The following GPC3 variants were observed in gnomAD, a reference collection of about 807,000 sequenced individuals.
GPC3 encodes the protein glypican 3.
In GPC3, 3 loss-of-function variants were observed where a neutral mutation model predicts 34.4. The observed-to-expected ratio is 0.09, with a 90% CI of 0.04 to 0.23. The LOEUF is 0.23. Among genes scored for constraint, GPC3 ranks in the 10% least tolerant of loss-of-function variants. The pLI is 1.00. For missense variants in GPC3, 351 were observed against 445.6 expected, an observed-to-expected ratio of 0.79 and a Z score of 1.91; for synonymous variants, 177 against 174.0, an observed-to-expected ratio of 1.02 and a Z score of -0.13.
chrX:133,982,121 T>C (rs1178601426), intron 1 of GPC3, among the ~76,000 whole-genome samples: 4 of 112,682 alleles, frequency 3.5e-5, no homozygotes, highest in African/African-American at 1.3e-4. Context: ...GAAACATCAT[T>C]GTCTGATTAC....
At chrX:133,622,408 T>C (rs963708698) in intron 6 of GPC3, among the ~76,000 whole-genome samples, 14 of 111,606 alleles carry the variant, frequency 1.3e-4, no homozygotes, top group Non-Finnish European at 5.6e-5. Flanking sequence ...GCTGAAAACC[T>C]TGAAAAAAGA....
chrX:133,620,812 C>T (rs1033640595), intron 6 of GPC3, among the ~76,000 whole-genome samples: 1 of 112,027 alleles, frequency 8.9e-6, no homozygotes, highest in African/African-American at 3.2e-5. Flanking sequence ...ATTATAAGTG[C>T]TTCAACCAAT....
intron 1 of GPC3, among the ~76,000 whole-genome samples, chrX:133,976,430 A>C: frequency 8.9e-6 from 1 of 112,062 alleles, no homozygotes; most frequent in Middle Eastern, 4.6e-3. Context: ...AGTAACAATT[A>C]ACTTTCAAAC....
chrX:133,765,243 C>T (rs2071834470), intron 2 of GPC3, among the ~76,000 whole-genome samples: 1 of 112,319 alleles, frequency 8.9e-6, no homozygotes, highest in South Asian at 3.7e-4. Context: ...AAAAAAATCA[C>T]TAACATATAT....
chrX:133,963,234 C>G (rs1266412335), intron 1 of GPC3, among the ~76,000 whole-genome samples: 4 of 111,920 alleles, frequency 3.6e-5, no homozygotes. Flanking sequence ...CCCTGTATCT[C>G]CAGAAGCCAA....
In GPC3 at chrX:133,621,422, C is replaced by T. The variant is rs143952234; in HGVS notation, c.1414-24823G>A. Among the ~76,000 whole-genome samples, 541 of 111,885 alleles carry T rather than the reference C, an allele frequency of 4.8e-3. 1 individual carries two copies. The highest frequency in any genetic ancestry group is 7.6e-3 in the Non-Finnish European group (404 of 53,154). The stretch of plus-strand genomic sequence containing the variant: ...CCTAGCCAAAGGAAGCTGTGACAGA[C>T]GGTATCTGGAAAATCGGGACACTCC... On this transcript the variant is annotated intron_variant, in intron 6 of 7. Coordinates refer to ENST00000370818, the MANE Select transcript of GPC3 (RefSeq NM_004484.4).
chrX:133,837,523 AATT>A (rs2075805270), intron 2 of GPC3, among the ~76,000 whole-genome samples: 1 of 111,923 alleles, frequency 8.9e-6, no homozygotes, highest in East Asian at 2.8e-4. Context: ...TGTTTTTGAC[AATT>A]ATTATTAAGT....
At chrX:133,779,960 G>A (rs1383146827) in intron 2 of GPC3, among the ~76,000 whole-genome samples, 4 of 111,453 alleles carry the variant, frequency 3.6e-5, no homozygotes, top group Admixed American at 1.9e-4. Context: ...TGTGGCGTTA[G>A]ATCACAAAAC....
At chrX:133,947,702 A>G (rs891022836) in intron 2 of GPC3, among the ~76,000 whole-genome samples, 1 of 112,163 alleles carries the variant, frequency 8.9e-6, no homozygotes, top group African/African-American at 3.2e-5. Context: ...TCCACTAATT[A>G]ATGCCAGCAT....
chrX:133,669,072 C>T (rs1271747731), intron 5 of GPC3, among the ~76,000 whole-genome samples: 1 of 111,433 alleles, frequency 9.0e-6, no homozygotes, highest in Non-Finnish European at 1.9e-5. Context: ...AGGGTTTCTT[C>T]TCTTACACAG....
intron 2 of GPC3, among the ~76,000 whole-genome samples, chrX:133,765,402 G>A (rs997122502): frequency 8.9e-6 from 1 of 112,017 alleles, no homozygotes; most frequent in Non-Finnish European, 1.9e-5. Flanking sequence ...TTTTGAGTAA[G>A]TATTGAATGA....
At chrX:133,952,900 T>C (rs2076399192) in intron 2 of GPC3, 150 bp downstream of exon 2, 3 of 553,664 alleles carry the variant, frequency 5.4e-6, no homozygotes, top group Admixed American at 2.9e-5. Flanking sequence ...AAATGTGTTT[T>C]TTTAAACCAG....
intron 1 of GPC3, among the ~76,000 whole-genome samples, chrX:133,965,427 CAG>C (rs1256081267): frequency 1.8e-5 from 2 of 110,202 alleles, no homozygotes; most frequent in East Asian, 2.9e-4. Flanking sequence ...AAGAGACACA[CAG>C]AGGAGAGACA....
chrX:133,594,105 C>CAAAAACA (rs112930771), intron 7 of GPC3, among the ~76,000 whole-genome samples: 5,738 of 110,241 alleles, frequency 0.052, 429 homozygotes, highest in African/African-American at 0.18. Flanking sequence ...TCAAAAAAAA[C>CAAAAACA]AAAAACAAAA....
At chrX:133,959,494 G>C (rs2076432920) in intron 1 of GPC3, among the ~76,000 whole-genome samples, 1 of 112,056 alleles carries the variant, frequency 8.9e-6, no homozygotes, top group Non-Finnish European at 1.9e-5. Context: ...GCACTAGTGG[G>C]CAGCAAATAA....
intron 2 of GPC3, among the ~76,000 whole-genome samples, chrX:133,944,270 G>A (rs1004745743): frequency 8.9e-6 from 1 of 111,775 alleles, no homozygotes; most frequent in Non-Finnish European, 1.9e-5. Flanking sequence ...GCAACCTGAT[G>A]AGTGCTAGAA....
At chrX:133,935,453 T>C (rs780924196) in intron 2 of GPC3, among the ~76,000 whole-genome samples, 33 of 110,888 alleles carry the variant, frequency 3.0e-4, no homozygotes, top group African/African-American at 9.8e-4. Context: ...AATGTCTTTT[T>C]CTTCTGTCTT....
At chrX:133,634,209 C>T (rs2070395313) in intron 6 of GPC3, among the ~76,000 whole-genome samples, 1 of 111,312 alleles carries the variant, frequency 9.0e-6, no homozygotes, top group South Asian at 3.8e-4. Context: ...TAAAAAGAAC[C>T]CTCATGCATT....
chrX:133,616,749 G>A (rs894295531), intron 6 of GPC3, among the ~76,000 whole-genome samples: 1 of 104,708 alleles, frequency 9.6e-6, no homozygotes, highest in Non-Finnish European at 2.0e-5. Flanking sequence ...CCAGGCTGGA[G>A]TGCAGTGGCG....
Sources: gnomAD v4.1 joint callset for allele counts (sites outside exome capture counted in the v4.1 genomes callset) on GRCh38, gnomAD v4.1.1 for gene constraint, MANE v1.5 for transcripts, NCBI Gene and HGNC (gene_info 2026-07-23, HGNC 2026-07-21) for gene names.